TMPRSS15: variants seen among roughly 807,000 people sequenced by gnomAD.
TMPRSS15 encodes the protein transmembrane serine protease 15.
In TMPRSS15, 128 loss-of-function variants were observed where a neutral mutation model predicts 125.3. The observed-to-expected ratio is 1.02, with a 90% CI of 0.89 to 1.18. The LOEUF (loss-of-function observed/expected upper bound fraction) is 1.18. Among genes scored for constraint, TMPRSS15 ranks in the 50% most tolerant of loss-of-function variants. TMPRSS15 has a pLI of 0.00. For synonymous variants in TMPRSS15, 446 were observed against 423.2 expected (o/e 1.05, Z -0.66); for missense variants, 1,283 against 1,212.7 (o/e 1.06, Z -0.86).
At chr21:18,330,469 T>A (rs1275919574) in intron 14 of TMPRSS15, among the ~76,000 whole-genome samples, 1 of 152,158 alleles carries the variant, frequency 6.6e-6, no homozygotes, top group Non-Finnish European at 1.5e-5. Context: ...ATTATTTAAT[T>A]TTTCTTGGAG....
chr21:18,392,264 T>C (rs958773403), intron 3 of TMPRSS15, among the ~76,000 whole-genome samples: 16 of 152,224 alleles, frequency 1.1e-4, no homozygotes. Context: ...CCTGCAAATT[T>C]TCCAAACTTT....
At chr21:18,414,499 G>T (rs993849869) in intron 1 of TMPRSS15, among the ~76,000 whole-genome samples, 1 of 151,974 alleles carries the variant, frequency 6.6e-6, no homozygotes, top group Non-Finnish European at 1.5e-5. Context: ...TATACATATC[G>T]AATTCTTCAT....
chr21:18,352,584 T>G (rs1422118164), intron 10 of TMPRSS15, among the ~76,000 whole-genome samples: 1 of 152,012 alleles, frequency 6.6e-6, no homozygotes, highest in African/African-American at 2.4e-5. Flanking sequence ...TCAGAAAAGC[T>G]AATTGCCTCA....
At chr21:18,472,366 T>C (rs990003982) in intron 1 of TMPRSS15, among the ~76,000 whole-genome samples, 3 of 151,764 alleles carry the variant, frequency 2.0e-5, no homozygotes, top group East Asian at 1.9e-4. Context: ...TTTTAGCCTA[T>C]GGGGTTCAAT....
chr21:18,457,836 C>G (rs1978471831), intron 1 of TMPRSS15, among the ~76,000 whole-genome samples: 2 of 152,134 alleles, frequency 1.3e-5, no homozygotes, highest in South Asian at 4.1e-4. Flanking sequence ...ACATAATTGA[C>G]ATAATCTACT....
At chr21:18,482,250 G>T (rs888157037) in intron 1 of TMPRSS15, among the ~76,000 whole-genome samples, 2 of 151,138 alleles carry the variant, frequency 1.3e-5, no homozygotes, top group Admixed American at 1.3e-4. Context: ...AAATTCCTGA[G>T]AATTAAATCT....
In TMPRSS15 at chr21:18,403,760, AAGTG is replaced by A; in HGVS notation, c.-142_-139del. 3 of 1,073,234 alleles carry A rather than the reference AAGTG, an allele frequency of 2.8e-6. No homozygotes were observed. Among genetic ancestry groups the A allele is most frequent in the Non-Finnish European group, 4.1e-6 (3 of 724,006 alleles). 66.5% of individuals were successfully genotyped at this position (1,073,234 alleles called of 1,614,324 possible). ...TGTCTACATGCATACCAGTCAGTGTAAGTGAGTTGTGTATGTCTCTTTGGCAAAA... is the reference window on the plus strand; with the variant it reads ...TGTCTACATGCATACCAGTCAGTGTAAGTTGTGTATGTCTCTTTGGCAAAA... On this transcript the variant is annotated 5_prime_UTR_variant, in exon 1 of 25. Transcript: ENST00000284885.
At chr21:18,299,852 G>A (rs1324083220) in intron 18 of TMPRSS15, among the ~76,000 whole-genome samples, 1 of 152,158 alleles carries the variant, frequency 6.6e-6, no homozygotes, top group Non-Finnish European at 1.5e-5. Context: ...CCTGCTCTAG[G>A]GTAGGGTCCG....
Position 18,393,056 on chromosome 21 carries a change from T to C in TMPRSS15, c.344+4823A>G, listed in dbSNP as rs535453081. Among the ~76,000 whole-genome samples the C allele has an allele frequency of 7.2e-5, 11 of 152,070 alleles. 1 individual carries two copies. The South Asian group carries it at 2.3e-3, about 32-fold the overall frequency. On this transcript the variant is annotated intron_variant, in intron 3 of 24. Coordinates refer to ENST00000284885, the MANE Select transcript of TMPRSS15 (RefSeq NM_002772.3). ...CATAGATAAAAGAGAGAAAGCAGGA[T>C]GGTTTTGAGGGTGTACAGATGATGT...
intron 4 of TMPRSS15, among the ~76,000 whole-genome samples, chr21:18,380,031 A>T (rs2075876810): frequency 6.6e-6 from 1 of 152,020 alleles, no homozygotes; most frequent in Non-Finnish European, 1.5e-5. Flanking sequence ...AGAGTAGTTA[A>T]CATAAAGTCT....
At chr21:18,413,283 T>C (rs1454042497) in intron 1 of TMPRSS15, among the ~76,000 whole-genome samples, 1 of 129,066 alleles carries the variant, frequency 7.7e-6, no homozygotes, top group Non-Finnish European at 1.6e-5. Context: ...TTTTTCTTTT[T>C]CTTTCTTTCT....
chr21:18,444,026 T>G (rs2076249285), intron 1 of TMPRSS15, among the ~76,000 whole-genome samples: 1 of 152,144 alleles, frequency 6.6e-6, no homozygotes, highest in East Asian at 1.9e-4. Context: ...CACAGCCTCC[T>G]CTTATTGCTA....
chr21:18,289,629 C>T (rs545956576), intron 21 of TMPRSS15, among the ~76,000 whole-genome samples: 49 of 152,270 alleles, frequency 3.2e-4, no homozygotes, highest in Middle Eastern at 3.4e-3. Context: ...GGAATTGTTT[C>T]AATAAGAAAT....
At chr21:18,469,115 A>G (rs1978728094) in intron 1 of TMPRSS15, among the ~76,000 whole-genome samples, 1 of 152,178 alleles carries the variant, frequency 6.6e-6, no homozygotes, top group Non-Finnish European at 1.5e-5. Flanking sequence ...TGCAGCCCTA[A>G]CTACAGCTGC....
At chr21:18,358,101 A>C (rs139825352) in intron 8 of TMPRSS15, among the ~76,000 whole-genome samples, 1 of 151,758 alleles carries the variant, frequency 6.6e-6, no homozygotes, top group Non-Finnish European at 1.5e-5. Flanking sequence ...TATTAGTCAC[A>C]TCTCTATGGC....
intron 1 of TMPRSS15, among the ~76,000 whole-genome samples, chr21:18,430,334 C>T (rs1290321297): frequency 2.0e-5 from 3 of 151,910 alleles, no homozygotes. Flanking sequence ...ACATTTGGTC[C>T]CATAAAAAAG....
intron 13 of TMPRSS15, among the ~76,000 whole-genome samples, chr21:18,334,814 G>T (rs1308336359): frequency 6.6e-6 from 1 of 152,108 alleles, no homozygotes; most frequent in Non-Finnish European, 1.5e-5. Context: ...TCCACCATCT[G>T]GTTCACACTG....
chr21:18,466,584 T>A (rs1978666513), intron 1 of TMPRSS15, among the ~76,000 whole-genome samples: 1 of 151,602 alleles, frequency 6.6e-6, no homozygotes, highest in Admixed American at 6.6e-5. Flanking sequence ...AACAACCCCA[T>A]CAAAAAGTGG....
chr21:18,380,167 T>TCTCACA (rs1555907563), intron 4 of TMPRSS15, among the ~76,000 whole-genome samples: 2 of 139,512 alleles, frequency 1.4e-5, no homozygotes, highest in Admixed American at 7.3e-5. Context: ...TATGGAGATG[T>TCTCACA]CACACACACA....
Sources: gnomAD v4.1 joint callset for allele counts (sites outside exome capture counted in the v4.1 genomes callset) on GRCh38, gnomAD v4.1.1 for gene constraint, MANE v1.5 for transcripts, NCBI Gene and HGNC (gene_info 2026-07-23, HGNC 2026-07-21) for gene names.